MCTP1: variants seen among roughly 807,000 people sequenced by gnomAD.
MCTP1 encodes the protein multiple C2 and transmembrane domain-containing protein 1.
A neutral mutation model predicts 120.6 loss-of-function variants in MCTP1; 69 were observed. The ratio of observed to expected loss-of-function variants is 0.57; its 90% CI spans 0.47 to 0.70. The LOEUF is 0.70. Among genes scored for constraint, MCTP1 ranks in the 30% least tolerant of loss-of-function variants. The pLI is 0.00. For missense variants in MCTP1, 1,203 were observed against 1,248.8 expected, an observed-to-expected ratio of 0.96 and a Z score of 0.55; for synonymous variants, 529 against 493.1, an observed-to-expected ratio of 1.07 and a Z score of -0.96.
intron 1 of MCTP1, among the ~76,000 whole-genome samples, chr5:95,211,742 A>G (rs1434855420): frequency 6.6e-6 from 1 of 152,114 alleles, no homozygotes; most frequent in Non-Finnish European, 1.5e-5. Flanking sequence ...TTGGAGGAGG[A>G]GAGGTGCTCT....
intron 1 of MCTP1, among the ~76,000 whole-genome samples, chr5:95,282,957 G>A (rs1326856792): frequency 6.6e-6 from 1 of 152,224 alleles, no homozygotes; most frequent in Non-Finnish European, 1.5e-5. Flanking sequence ...GAAAGTGTAA[G>A]TAAACTAAGA....
At chr5:94,907,938 C>G (rs563902503) in intron 10 of MCTP1, among the ~76,000 whole-genome samples, 1 of 152,190 alleles carries the variant, frequency 6.6e-6, no homozygotes, top group African/African-American at 2.4e-5. Flanking sequence ...GCAAGTTACA[C>G]ATGCCCATCA....
intron 1 of MCTP1, among the ~76,000 whole-genome samples, chr5:95,266,509 TATA>T (rs1366038899): frequency 6.6e-6 from 1 of 152,224 alleles, no homozygotes; most frequent in East Asian, 1.9e-4. Flanking sequence ...GTTTGAATAG[TATA>T]ATGTTTACTT....
chr5:94,776,485 T>C (rs991512685), intron 19 of MCTP1, among the ~76,000 whole-genome samples: 4 of 152,154 alleles, frequency 2.6e-5, no homozygotes, highest in African/African-American at 7.2e-5. Context: ...AGCTGCCTTG[T>C]GGTAATCAGG....
chr5:95,196,657 C>T (rs1750430096), intron 1 of MCTP1, among the ~76,000 whole-genome samples: 1 of 152,158 alleles, frequency 6.6e-6, no homozygotes, highest in African/African-American at 2.4e-5. Flanking sequence ...TGAGTATGAA[C>T]AGTGAGGGTC....
At chr5:95,118,657 T>A (rs999244149) in intron 1 of MCTP1, among the ~76,000 whole-genome samples, 2 of 152,026 alleles carry the variant, frequency 1.3e-5, no homozygotes, top group African/African-American at 2.4e-5. Context: ...ACTTCACCTA[T>A]ACACAGACTG....
At chr5:95,166,846 C>T (rs553352683) in intron 1 of MCTP1, among the ~76,000 whole-genome samples, 1 of 151,846 alleles carries the variant, frequency 6.6e-6, no homozygotes, top group Admixed American at 6.6e-5. Flanking sequence ...GGATTACAGG[C>T]GTGAGCCACT....
intron 1 of MCTP1, among the ~76,000 whole-genome samples, chr5:95,218,988 A>G (rs1753352047): frequency 6.6e-6 from 1 of 152,206 alleles, no homozygotes. Context: ...TATGCAATGC[A>G]TGACTGTACT....
chr5:94,870,134 C>T (rs141035155), intron 16 of MCTP1, among the ~76,000 whole-genome samples: 33 of 152,238 alleles, frequency 2.2e-4, no homozygotes, highest in African/African-American at 7.0e-4. Context: ...TTTGCTAATG[C>T]ATGAATACAT....
At chr5:95,003,956 T>A (rs1834197556) in intron 2 of MCTP1, among the ~76,000 whole-genome samples, 1 of 152,012 alleles carries the variant, frequency 6.6e-6, no homozygotes, top group Non-Finnish European at 1.5e-5. Context: ...GACAGGAACA[T>A]GAGGAAAAGT....
chr5:95,113,272 A>G (rs1582276047), intron 1 of MCTP1, among the ~76,000 whole-genome samples: 3 of 152,168 alleles, frequency 2.0e-5, no homozygotes, highest in African/African-American at 7.2e-5. Context: ...AAGAACACCA[A>G]GATAACAACT....
intron 1 of MCTP1, among the ~76,000 whole-genome samples, chr5:95,185,647 C>T (rs538092103): frequency 6.6e-6 from 1 of 151,984 alleles, no homozygotes; most frequent in East Asian, 1.9e-4. Context: ...CCAGGCATGG[C>T]AGCGCATGCC....
intron 2 of MCTP1, among the ~76,000 whole-genome samples, chr5:95,007,651 C>T (rs956574235): frequency 5.9e-5 from 9 of 152,126 alleles, no homozygotes; most frequent in African/African-American, 2.2e-4. Flanking sequence ...TTAAAAATGT[C>T]CTACAATTTA....
intron 17 of MCTP1, among the ~76,000 whole-genome samples, chr5:94,838,338 T>C (rs1360788703): frequency 6.6e-6 from 1 of 152,250 alleles, no homozygotes; most frequent in Non-Finnish European, 1.5e-5. Flanking sequence ...TCATAGTGAA[T>C]TGATACATAA....
At chr5:95,221,824 T>C (rs1446295917) in intron 1 of MCTP1, among the ~76,000 whole-genome samples, 1 of 152,154 alleles carries the variant, frequency 6.6e-6, no homozygotes, top group Non-Finnish European at 1.5e-5. Context: ...CCCAACCAAA[T>C]TCTCTAATCA....
chr5:95,163,540 G>A (rs538825230), intron 1 of MCTP1, among the ~76,000 whole-genome samples: 1 of 152,316 alleles, frequency 6.6e-6, no homozygotes, highest in Admixed American at 6.5e-5. Flanking sequence ...ATAGAGAGCA[G>A]TAGGACTGCC....
intron 1 of MCTP1, among the ~76,000 whole-genome samples, chr5:95,053,280 C>T (rs1373661519): frequency 6.6e-6 from 1 of 152,190 alleles, no homozygotes; most frequent in Non-Finnish European, 1.5e-5. Context: ...TGACAAGCTG[C>T]TCAGTCCTAT....
At chr5:94,847,672 GTGTGTGTGTGTA>G (rs1372487324) in intron 17 of MCTP1, among the ~76,000 whole-genome samples, 1 of 138,046 alleles carries the variant, frequency 7.2e-6, no homozygotes, top group African/African-American at 3.0e-5. Flanking sequence ...GTGTGTGTGT[GTGTGTGTGTGTA>G]TATATATATA....
At chr5:95,082,952 T>C (rs927900547) in intron 1 of MCTP1, among the ~76,000 whole-genome samples, 4 of 152,214 alleles carry the variant, frequency 2.6e-5, no homozygotes, top group Admixed American at 2.6e-4. Flanking sequence ...TTACTTTCTA[T>C]CGGATGATCT....
Sources: gnomAD v4.1 joint callset for allele counts (sites outside exome capture counted in the v4.1 genomes callset) on GRCh38, gnomAD v4.1.1 for gene constraint, MANE v1.5 for transcripts, NCBI Gene and HGNC (gene_info 2026-07-23, HGNC 2026-07-21) for gene names.